The following ITGA9 variants were observed in gnomAD, a reference collection of about 807,000 sequenced individuals.
The protein encoded by ITGA9 is integrin subunit alpha 9, also known as integrin alpha-9.
A neutral mutation model predicts 127.8 loss-of-function variants in ITGA9; 56 were observed. The observed-to-expected ratio is 0.44, with a 90% CI of 0.35 to 0.55. The LOEUF (loss-of-function observed/expected upper bound fraction) is 0.55. Among genes scored for constraint, ITGA9 ranks in the 20% least tolerant of loss-of-function variants. The probability of loss-of-function intolerance (pLI) is 0.00; values close to 1 mark genes in which losing one functional copy is unlikely to be tolerated. For missense variants in ITGA9, 1,196 were observed against 1,347.1 expected (o/e 0.89, Z 1.76); for synonymous variants, 508 against 514.5 (o/e 0.99, Z 0.17).
chr3:37,761,946 C>T lies in ITGA9; in HGVS notation c.2541+11377C>T, dbSNP rs188604876. 5.1e-3 allele frequency among the ~76,000 whole-genome samples: 783 copies of T among 152,372 alleles called. 8 individuals carry two copies. The highest frequency in any genetic ancestry group is 0.018 in the African/African-American group (732 of 41,590). On this transcript the variant is annotated intron_variant, in intron 23 of 27. Coordinates refer to ENST00000264741, the MANE Select transcript of ITGA9 (RefSeq NM_002207.3). The stretch of plus-strand genomic sequence containing the variant: ...GTTCTGAGAATTCGCAGCCCCTCTC[C>T]TGTAAAACTCATGAATAATCCACTC...
intron 18 of ITGA9, among the ~76,000 whole-genome samples, chr3:37,693,350 C>G (rs1474908869): frequency 6.6e-6 from 1 of 152,168 alleles, no homozygotes; most frequent in East Asian, 1.9e-4. Context: ...TTAAACTGGT[C>G]TTCCAAGTTG....
intron 14 of ITGA9, among the ~76,000 whole-genome samples, chr3:37,541,830 C>T (rs1003149618): frequency 1.3e-5 from 2 of 152,340 alleles, no homozygotes; most frequent in African/African-American, 4.8e-5. Context: ...TTCATTGATA[C>T]ATCCCCTCTA....
chr3:37,571,943 TAAAG>T (rs1699606091), intron 15 of ITGA9, among the ~76,000 whole-genome samples: 2 of 151,852 alleles, frequency 1.3e-5, no homozygotes. Flanking sequence ...CATTTTTGGT[TAAAG>T]AAAGGAGGGA....
intron 16 of ITGA9, among the ~76,000 whole-genome samples, chr3:37,634,868 TA>T (rs1048492948): frequency 6.6e-6 from 1 of 152,190 alleles, no homozygotes; most frequent in African/African-American, 2.4e-5. Context: ...TAAATCTTAA[TA>T]AATTTAGCCT....
chr3:37,631,499 GTACCCCA>G (rs933444082), intron 16 of ITGA9, among the ~76,000 whole-genome samples: 1 of 152,178 alleles, frequency 6.6e-6, no homozygotes, highest in African/African-American at 2.4e-5. Context: ...GTGCCTTCTG[GTACCCCA>G]TTGCAATGAT....
At chr3:37,507,256 A>G (rs1486693628) in intron 7 of ITGA9, among the ~76,000 whole-genome samples, 2 of 152,192 alleles carry the variant, frequency 1.3e-5, no homozygotes, top group African/African-American at 2.4e-5. Flanking sequence ...ATCTAAGTAG[A>G]GAAAGAAGCA....
intron 17 of ITGA9, among the ~76,000 whole-genome samples, chr3:37,667,430 G>A (rs990417189): frequency 3.9e-5 from 6 of 151,928 alleles, no homozygotes; most frequent in African/African-American, 1.2e-4. Flanking sequence ...GTTCCCATTC[G>A]CTGAGGACAG....
At chr3:37,721,599 A>G (rs1456009954) in intron 18 of ITGA9, among the ~76,000 whole-genome samples, 1 of 152,194 alleles carries the variant, frequency 6.6e-6, no homozygotes, top group East Asian at 1.9e-4. Flanking sequence ...AATTTCAAGG[A>G]AGCAACTGGC....
chr3:37,737,371 G>T (rs887401312), intron 20 of ITGA9, among the ~76,000 whole-genome samples: 12 of 152,224 alleles, frequency 7.9e-5, no homozygotes, highest in African/African-American at 2.9e-4. Context: ...TTTTGGACAT[G>T]GTGCTGTATC....
At chr3:37,564,088 A>G (rs1699522154) in intron 15 of ITGA9, among the ~76,000 whole-genome samples, 1 of 152,258 alleles carries the variant, frequency 6.6e-6, no homozygotes, top group Non-Finnish European at 1.5e-5. Context: ...ATGGAGCTTT[A>G]GAAGCCCAGG....
intron 18 of ITGA9, among the ~76,000 whole-genome samples, chr3:37,693,164 T>A (rs951094733): frequency 2.0e-5 from 3 of 152,174 alleles, no homozygotes; most frequent in Non-Finnish European, 4.4e-5. Context: ...TGGCCATAAG[T>A]CACTGAATTT....
chr3:37,479,502 G>A (rs1007538103), intron 3 of ITGA9, among the ~76,000 whole-genome samples: 2 of 152,188 alleles, frequency 1.3e-5, no homozygotes, highest in African/African-American at 4.8e-5. Context: ...AGGATGAAGA[G>A]CAGAGAGCTT....
At chr3:37,500,055 G>A (rs1698772359) in intron 5 of ITGA9, among the ~76,000 whole-genome samples, 1 of 152,178 alleles carries the variant, frequency 6.6e-6, no homozygotes, top group African/African-American at 2.4e-5. Flanking sequence ...GGGCTGAGGA[G>A]GTTGCTCATT....
chr3:37,758,463 T>C lies in ITGA9; in HGVS notation c.2541+7894T>C, dbSNP rs539238788. 4.6e-5 allele frequency among the ~76,000 whole-genome samples: 7 copies of C among 151,002 alleles called. No individual in the cohort carries two copies. The East Asian group carries it at 1.2e-3, about 25-fold the overall frequency. On this transcript the variant is annotated intron_variant, in intron 23 of 27. Transcript: ENST00000264741. Reference sequence around the variant, plus strand: ...GGAAACTGATTAATATAACTCATTATATATTATTATTAATAATAAAAGGAT... The same window carrying C: ...GGAAACTGATTAATATAACTCATTACATATTATTATTAATAATAAAAGGAT...
At chr3:37,738,381 A>G (rs1204862597) in intron 20 of ITGA9, among the ~76,000 whole-genome samples, 1 of 152,206 alleles carries the variant, frequency 6.6e-6, no homozygotes, top group African/African-American at 2.4e-5. Context: ...GGTGGTGGGC[A>G]CGAGAGTGTA....
chr3:37,782,485 G>A (rs527684916), intron 25 of ITGA9, among the ~76,000 whole-genome samples: 8 of 152,346 alleles, frequency 5.3e-5, no homozygotes, highest in African/African-American at 1.2e-4. Context: ...AAAGCTGTAG[G>A]GTGTCATATG....
intron 23 of ITGA9, among the ~76,000 whole-genome samples, chr3:37,765,420 C>G (rs901881748): frequency 6.6e-6 from 1 of 152,172 alleles, no homozygotes; most frequent in Non-Finnish European, 1.5e-5. Flanking sequence ...GTTTCTCTCA[C>G]ACAGACACTG....
intron 15 of ITGA9, among the ~76,000 whole-genome samples, chr3:37,622,385 A>C (rs1328179030): frequency 1.3e-5 from 2 of 151,978 alleles, no homozygotes; most frequent in African/African-American, 4.8e-5. Flanking sequence ...CACCGTGCCC[A>C]GCCTTGTTTA....
intron 18 of ITGA9, among the ~76,000 whole-genome samples, chr3:37,719,889 G>C (rs532026289): frequency 6.6e-6 from 1 of 152,304 alleles, no homozygotes; most frequent in African/African-American, 2.4e-5. Context: ...TTCCAGAAAA[G>C]TGTATACTCA....
Sources: allele counts gnomAD v4.1 joint callset (sites outside exome capture counted in the v4.1 genomes callset), GRCh38; gene constraint gnomAD v4.1.1; transcripts MANE v1.5; gene names NCBI Gene and HGNC (gene_info 2026-07-23, HGNC 2026-07-21).